Variants in TXNDC16 observed in about 807,000 individuals in gnomAD.
TXNDC16 encodes thioredoxin domain containing 16.
TXNDC16 carries 74 observed loss-of-function variants against 85.6 expected under a neutral mutation model. That is an observed-to-expected ratio of 0.86 (90% CI 0.72 to 1.05). TXNDC16 has a LOEUF of 1.05. Among genes scored for constraint, TXNDC16 ranks in the 50% least tolerant of loss-of-function variants. The pLI is 0.00. For synonymous variants in TXNDC16, 335 were observed against 326.5 expected (o/e 1.03, Z -0.28); for missense variants, 959 against 947.0 (o/e 1.01, Z -0.17).
At chr14:52,512,767 C>A (rs1189576876) in intron 8 of TXNDC16, among the ~76,000 whole-genome samples, 1 of 152,132 alleles carries the variant, frequency 6.6e-6, no homozygotes, top group East Asian at 1.9e-4. Flanking sequence ...TGTAGACACC[C>A]AAACAGCAAG....
chr14:52,500,791 GAC>G (rs149235871), intron 9 of TXNDC16, among the ~76,000 whole-genome samples: 5,117 of 152,104 alleles, frequency 0.034, 258 homozygotes, highest in African/African-American at 0.12. Context: ...TTGAATCTGA[GAC>G]AGACAGCTAG....
chr14:52,446,697 C>G (rs2035292971), intron 18 of TXNDC16, among the ~76,000 whole-genome samples: 1 of 152,134 alleles, frequency 6.6e-6, no homozygotes, highest in African/African-American at 2.4e-5. Context: ...AAAGGAAAGA[C>G]TGGGAAAGAC....
At chr14:52,456,743 G>A (rs1399284564) in intron 17 of TXNDC16, among the ~76,000 whole-genome samples, 1 of 151,976 alleles carries the variant, frequency 6.6e-6, no homozygotes, top group Non-Finnish European at 1.5e-5. Context: ...ACCCACCCAG[G>A]GGGTAAATAA....
intron 14 of TXNDC16, among the ~76,000 whole-genome samples, chr14:52,481,259 G>A (rs2036144877): frequency 6.6e-6 from 1 of 151,740 alleles, no homozygotes; most frequent in African/African-American, 2.4e-5. Context: ...ATACTGCTCA[G>A]GTGATGAGTG....
chr14:52,432,356 G>T lies in TXNDC16; in HGVS notation c.2426C>A (p.Ala809Glu). 6.2e-7 allele frequency: 1 copy of T among 1,613,006 alleles called. No individual in the cohort carries two copies. Among genetic ancestry groups the T allele is most frequent in the Non-Finnish European group, 8.5e-7 (1 of 1,179,562 alleles). ...TTTATCACGTCTAAATGATTTTTCT[G>T]CTTCTTTAAACCAATTACTTCTATT... ...HWNRSNWFKE[A>E]EKSFRRDKEL... Residue 809 changes from alanine to glutamate, a missense_variant, in exon 21 of 21, where the codon GCA becomes GAA. Coordinates refer to ENST00000281741, the MANE Select transcript of TXNDC16 (RefSeq NM_020784.3).
intron 18 of TXNDC16, among the ~76,000 whole-genome samples, chr14:52,454,689 G>A (rs1011956307): frequency 6.8e-5 from 10 of 147,774 alleles, no homozygotes; most frequent in African/African-American, 2.5e-4. Context: ...AGTAGTGAGC[G>A]CCTGTAATCC....
At chr14:52,437,236 T>C (rs1256634791) in intron 20 of TXNDC16, among the ~76,000 whole-genome samples, 1 of 152,084 alleles carries the variant, frequency 6.6e-6, no homozygotes, top group African/African-American at 2.4e-5. Flanking sequence ...TCTGGCTCTG[T>C]CCAAATCAGA....
At position 52,529,957 on chromosome 14, in the gene TXNDC16, T is replaced by C. The variant is rs1207230067; in HGVS notation, c.392+6762A>G. ...TTATATATATGAATTATATATTACA[T>C]ATTATAATACATATAACAATATGTA... On this transcript the variant is annotated intron_variant, in intron 6 of 20. Transcript: ENST00000281741. 4.8e-5 allele frequency among the ~76,000 whole-genome samples: 5 copies of C among 104,514 alleles called. No individual in the cohort carries two copies. The East Asian group carries it at 1.4e-3, about 29-fold the overall frequency. 68.6% of individuals were successfully genotyped at this position (104,514 alleles called of 152,430 possible).
intron 14 of TXNDC16, among the ~76,000 whole-genome samples, chr14:52,479,228 A>C (rs907118680): frequency 6.6e-6 from 1 of 152,128 alleles, no homozygotes; most frequent in Non-Finnish European, 1.5e-5. Flanking sequence ...GGAAAAGTTG[A>C]AAGTATTCCT....
chr14:52,488,821 G>A (rs1487892463), intron 11 of TXNDC16, among the ~76,000 whole-genome samples: 1 of 115,258 alleles, frequency 8.7e-6, no homozygotes, highest in East Asian at 2.6e-4. Flanking sequence ...GCGACAAGGC[G>A]AGACTCTGGG....
intron 14 of TXNDC16, among the ~76,000 whole-genome samples, chr14:52,481,609 A>G (rs898524542): frequency 6.6e-6 from 1 of 152,184 alleles, no homozygotes. Flanking sequence ...ACTTACATCA[A>G]GCACACCTAA....
chr14:52,502,850 C>G (rs920804866), intron 9 of TXNDC16, among the ~76,000 whole-genome samples: 27 of 152,164 alleles, frequency 1.8e-4, no homozygotes, highest in African/African-American at 6.5e-4. Flanking sequence ...ACAGACGGAA[C>G]CTGGAAAATT....
Position 52,432,220 on chromosome 14 carries a change from TTGA to T in TXNDC16, c.*81_*83del, listed in dbSNP as rs2034915148. On this transcript the variant is annotated 3_prime_UTR_variant, in exon 21 of 21. Transcript: ENST00000281741. ...TATTGGATGGCACTAGTCTGCAAAC[TTGA>T]AATGATTTAATATTATTCTTTAAGG... 3 of 1,293,006 alleles carry T rather than the reference TTGA, an allele frequency of 2.3e-6. No individual in the cohort carries two copies. In the Admixed American group the frequency reaches 7.7e-5, roughly 33 times the overall value. 80.1% of individuals were successfully genotyped at this position (1,293,006 alleles called of 1,614,324 possible).
chr14:52,459,046 C>A (rs1379562828), intron 16 of TXNDC16, among the ~76,000 whole-genome samples: 1 of 152,060 alleles, frequency 6.6e-6, no homozygotes, highest in Non-Finnish European at 1.5e-5. Context: ...TATATGGCAA[C>A]CTCAAATACA....
At chr14:52,445,760 A>G (rs1395705558) in intron 18 of TXNDC16, among the ~76,000 whole-genome samples, 1 of 152,204 alleles carries the variant, frequency 6.6e-6, no homozygotes, top group African/African-American at 2.4e-5. Context: ...AACATGCTGT[A>G]CAGGTTTGTA....
intron 19 of TXNDC16, 31 bp downstream of exon 19, chr14:52,440,533 C>G (rs369282096): frequency 6.6e-7 from 1 of 1,519,630 alleles, no homozygotes; most frequent in African/African-American, 1.4e-5. Flanking sequence ...TTCTTTACCT[C>G]TTACATATTA....
intron 18 of TXNDC16, among the ~76,000 whole-genome samples, chr14:52,451,833 A>C (rs1455060752): frequency 1.3e-5 from 2 of 152,302 alleles, no homozygotes; most frequent in East Asian, 3.9e-4. Flanking sequence ...TGGAAGTCCT[A>C]GCTAGGGCAA....
At chr14:52,542,583 A>G in intron 3 of TXNDC16, 130 bp from the exon 4 acceptor site, 1 of 547,048 alleles carries the variant, frequency 1.8e-6, no homozygotes, top group Non-Finnish European at 3.3e-6. Context: ...ATATCTCATT[A>G]CATATTTTCA....
intron 17 of TXNDC16, among the ~76,000 whole-genome samples, chr14:52,456,097 G>C (rs910303586): frequency 4.6e-5 from 7 of 152,144 alleles, no homozygotes; most frequent in Admixed American, 1.3e-4. Context: ...CTAAATAGAA[G>C]AAAGCTTTGT....
Sources: allele counts gnomAD v4.1 joint callset (sites outside exome capture counted in the v4.1 genomes callset), GRCh38; gene constraint gnomAD v4.1.1; transcripts MANE v1.5; gene names NCBI Gene and HGNC (gene_info 2026-07-23, HGNC 2026-07-21).